Variants in DLGAP2 observed in about 807,000 individuals in gnomAD.
The protein encoded by DLGAP2 is disks large-associated protein 2.
DLGAP2 carries 26 observed loss-of-function variants against 100.3 expected under a neutral mutation model. The observed-to-expected ratio is 0.26, with a 90% CI of 0.19 to 0.36. The LOEUF (loss-of-function observed/expected upper bound fraction) is 0.36. Among genes scored for constraint, DLGAP2 ranks in the 10% least tolerant of loss-of-function variants. The pLI is 1.00. For synonymous variants in DLGAP2, 886 were observed against 630.1 expected, an observed-to-expected ratio of 1.41 and a Z score of -6.08; for missense variants, 1,858 against 1,453.2, an observed-to-expected ratio of 1.28 and a Z score of -4.53.
chr8:1,349,319 C>A (rs185142317), intron 3 of DLGAP2, among the ~76,000 whole-genome samples: 1 of 150,898 alleles, frequency 6.6e-6, no homozygotes, highest in East Asian at 2.0e-4. Flanking sequence ...CCGCCCACAT[C>A]CACACACAGG....
intron 2 of DLGAP2, among the ~76,000 whole-genome samples, chr8:994,232 C>G (rs1179729260): frequency 2.0e-5 from 3 of 152,164 alleles, no homozygotes; most frequent in African/African-American, 7.2e-5. Flanking sequence ...TGGAGTTTCA[C>G]TCTTGTTGCC....
intron 3 of DLGAP2, among the ~76,000 whole-genome samples, chr8:1,315,539 G>A (rs1420065762): frequency 2.0e-5 from 3 of 147,834 alleles, no homozygotes; most frequent in Non-Finnish European, 3.0e-5. Context: ...GTCTACACTC[G>A]AGAAACTCGG....
intron 3 of DLGAP2, among the ~76,000 whole-genome samples, chr8:1,431,134 G>C (rs542791720): frequency 3.3e-4 from 51 of 152,342 alleles, no homozygotes; most frequent in African/African-American, 1.2e-3. Context: ...CCAGTGTACA[G>C]AGAACAGAAA....
At chr8:1,185,029 G>A (rs536548957) in intron 2 of DLGAP2, among the ~76,000 whole-genome samples, 6 of 152,250 alleles carry the variant, frequency 3.9e-5, no homozygotes, top group East Asian at 1.9e-4. Context: ...CCCGGGGGAC[G>A]GGGGATGGTG....
intron 3 of DLGAP2, among the ~76,000 whole-genome samples, chr8:1,464,252 G>GGACA (rs1798547920): frequency 2.4e-4 from 8 of 33,994 alleles, no homozygotes; most frequent in Admixed American, 3.5e-4. Flanking sequence ...CTTCCAGGAC[G>GGACA]GCTCCCTTCC....
chr8:788,626 A>G (rs1360349571), intron 1 of DLGAP2, among the ~76,000 whole-genome samples: 3 of 152,246 alleles, frequency 2.0e-5, no homozygotes, highest in Admixed American at 6.5e-5. Context: ...CAGCTTGGAA[A>G]AAAGTGAAGT....
At chr8:1,659,752 G>A (rs1798367283) in intron 8 of DLGAP2, among the ~76,000 whole-genome samples, 1 of 152,078 alleles carries the variant, frequency 6.6e-6, no homozygotes, top group Admixed American at 6.5e-5. Flanking sequence ...ACATGAGATG[G>A]GTCTCCTGAA....
chr8:1,214,076 T>G (rs1175046040), intron 2 of DLGAP2, among the ~76,000 whole-genome samples: 1 of 152,090 alleles, frequency 6.6e-6, no homozygotes, highest in Non-Finnish European at 1.5e-5. Context: ...GTTGCCAGGC[T>G]CCTCCCAGGC....
At chr8:1,632,067 G>T (rs188147755) in intron 7 of DLGAP2, among the ~76,000 whole-genome samples, 3 of 152,032 alleles carry the variant, frequency 2.0e-5, no homozygotes, top group African/African-American at 4.8e-5. Flanking sequence ...TGAATGGGAG[G>T]GGGTGAGGGG....
chr8:1,158,336 G>A lies in DLGAP2; in HGVS notation c.74-100515G>A, dbSNP rs111907329. 7.3e-3 allele frequency among the ~76,000 whole-genome samples: 1,107 copies of A among 152,340 alleles called. 17 individuals carry two copies. The highest frequency in any genetic ancestry group is 0.025 in the African/African-American group (1,052 of 41,572). On this transcript the variant is annotated intron_variant, in intron 2 of 14. Transcript: ENST00000637795. ...GCGTACATGTATCTGTGTGTTATAT[G>A]TGCATGTATGTATGTACATATGTAA...
intron 3 of DLGAP2, among the ~76,000 whole-genome samples, chr8:1,373,369 G>A (rs926485976): frequency 6.6e-5 from 10 of 152,180 alleles, no homozygotes; most frequent in African/African-American, 1.7e-4. Flanking sequence ...CGCAGGTTGG[G>A]CAGCGCCAGA....
At chr8:1,420,995 G>C (rs1263556096) in intron 3 of DLGAP2, among the ~76,000 whole-genome samples, 1 of 152,146 alleles carries the variant, frequency 6.6e-6, no homozygotes. Flanking sequence ...CCTCTCTCAT[G>C]GGCTGTAGCT....
At chr8:1,267,627 T>TAAAATAAC (rs61003863) in intron 3 of DLGAP2, among the ~76,000 whole-genome samples, 1 of 39,406 alleles carries the variant, frequency 2.5e-5, no homozygotes, top group Non-Finnish European at 4.4e-5. Context: ...ATAAGATAAA[T>TAAAATAAC]ATTAAATAGG....
chr8:841,301 A>G (rs1184307869), intron 1 of DLGAP2, among the ~76,000 whole-genome samples: 1 of 152,164 alleles, frequency 6.6e-6, no homozygotes, highest in Non-Finnish European at 1.5e-5. Context: ...GTGCATTGTG[A>G]TGGTCGCTCA....
chr8:1,668,592 A>G lies in DLGAP2; in HGVS notation c.2074A>G (p.Ser692Gly), dbSNP rs747787150. 1 of 1,598,794 alleles carries G rather than the reference A, an allele frequency of 6.3e-7. No homozygotes were observed. The highest frequency in any genetic ancestry group is 1.1e-5 in the South Asian group (1 of 87,960). The change falls in exon 9 of 15, where the codon AGC (serine) becomes GGC (glycine). Residue 692 changes from serine to glycine, a missense_variant. By Grantham distance (56) the Ser-to-Gly change is moderately conservative. Transcript: ENST00000637795. ...AQRHLPESQS[S>G]SVRTSDKAIL... ...GCGCCACCTGCCAGAGAGCCAGAGC[A>G]GCTCTGTGCGGACCAGCGACAAGGC...
intron 1 of DLGAP2, among the ~76,000 whole-genome samples, chr8:843,043 G>C (rs185118199): frequency 6.6e-6 from 1 of 152,206 alleles, no homozygotes. Flanking sequence ...GCGGGCTTTC[G>C]TTGTGTGCAG....
At chr8:909,576 A>G (rs1798444990) in intron 2 of DLGAP2, among the ~76,000 whole-genome samples, 1 of 152,182 alleles carries the variant, frequency 6.6e-6, no homozygotes, top group Non-Finnish European at 1.5e-5. Context: ...ATCAATCTGT[A>G]GAACCAAGAG....
chr8:1,062,446 G>A lies in DLGAP2; in HGVS notation c.73+154480G>A, dbSNP rs1322828374. Reference sequence around the variant, plus strand: ...GTCCACCCAGACGCCTCCTGCGCTCGGCGTTTGGATGCTGCAGACGGAGTG... The same window carrying A: ...GTCCACCCAGACGCCTCCTGCGCTCAGCGTTTGGATGCTGCAGACGGAGTG... On this transcript the variant is annotated intron_variant, in intron 2 of 14. Transcript: ENST00000637795. Among the ~76,000 whole-genome samples the A allele has an allele frequency of 3.9e-5, 6 of 152,128 alleles. No individual in the cohort carries two copies. The South Asian group carries it at 1.0e-3, about 26-fold the overall frequency.
intron 3 of DLGAP2, among the ~76,000 whole-genome samples, chr8:1,360,543 C>T (rs559702982): frequency 2.7e-4 from 41 of 152,240 alleles, no homozygotes; most frequent in Admixed American, 2.0e-3. Flanking sequence ...CACGGGACCA[C>T]GGCTGTGCCA....
Sources: gnomAD v4.1 joint callset for allele counts (sites outside exome capture counted in the v4.1 genomes callset) on GRCh38, gnomAD v4.1.1 for gene constraint, MANE v1.5 for transcripts, NCBI Gene and HGNC (gene_info 2026-07-23, HGNC 2026-07-21) for gene names.